The following EBF1 variants were observed in gnomAD, a reference collection of about 807,000 sequenced individuals.
EBF1 encodes the protein EBF transcription factor 1.
A neutral mutation model predicts 68.4 loss-of-function variants in EBF1; 10 were observed. That is an observed-to-expected ratio of 0.15 (90% CI 0.09 to 0.25). EBF1 has a LOEUF of 0.25. EBF1 is among the 10% of genes least tolerant of loss of function. EBF1 has a pLI of 1.00. For synonymous variants in EBF1, 298 were observed against 299.8 expected (o/e 0.99, Z 0.06); for missense variants, 509 against 794.4 (o/e 0.64, Z 4.32).
chr5:159,005,944 T>G (rs1373337475), intron 6 of EBF1, among the ~76,000 whole-genome samples: 1 of 152,206 alleles, frequency 6.6e-6, no homozygotes, highest in Non-Finnish European at 1.5e-5. Flanking sequence ...CCTAATTGAC[T>G]TTTCCTGTGT....
intron 6 of EBF1, among the ~76,000 whole-genome samples, chr5:158,958,827 C>T (rs1817635750): frequency 2.0e-5 from 3 of 152,252 alleles, no homozygotes; most frequent in South Asian, 2.1e-4. Context: ...ACACTTCCCA[C>T]GTTCAATGCC....
chr5:158,992,010 G>A (rs1760424285), intron 6 of EBF1, among the ~76,000 whole-genome samples: 1 of 152,168 alleles, frequency 6.6e-6, no homozygotes, highest in Admixed American at 6.5e-5. Flanking sequence ...TTGAGATGGT[G>A]GTAGGGTTGA....
intron 6 of EBF1, among the ~76,000 whole-genome samples, chr5:158,990,149 T>G (rs2127606120): frequency 6.6e-6 from 1 of 152,096 alleles, no homozygotes; most frequent in East Asian, 1.9e-4. Context: ...AGGGGTTCAG[T>G]CAAAGTGCAG....
At chr5:158,904,948 C>G (rs1292717751) in intron 6 of EBF1, among the ~76,000 whole-genome samples, 1 of 152,182 alleles carries the variant, frequency 6.6e-6, no homozygotes, top group Non-Finnish European at 1.5e-5. Flanking sequence ...GTTGTAACAT[C>G]TTCTAGAGCC....
At chr5:158,957,915 T>C (rs1027767752) in intron 6 of EBF1, among the ~76,000 whole-genome samples, 2 of 152,074 alleles carry the variant, frequency 1.3e-5, no homozygotes, top group African/African-American at 4.8e-5. Context: ...TTTTTTTCAC[T>C]CTCTTTTTGT....
At chr5:158,994,984 C>T (rs943876516) in intron 6 of EBF1, among the ~76,000 whole-genome samples, 30 of 152,336 alleles carry the variant, frequency 2.0e-4, no homozygotes, top group African/African-American at 5.8e-4. Context: ...AAGCACTGAT[C>T]CCTCTGACGA....
At chr5:158,852,320 G>A (rs1040167461) in intron 6 of EBF1, among the ~76,000 whole-genome samples, 1 of 152,028 alleles carries the variant, frequency 6.6e-6, no homozygotes, top group African/African-American at 2.4e-5. Context: ...CACCGCATCT[G>A]TCTGTTCACT....
intron 6 of EBF1, among the ~76,000 whole-genome samples, chr5:159,017,587 T>C: frequency 6.6e-6 from 1 of 152,212 alleles, no homozygotes; most frequent in African/African-American, 2.4e-5. Context: ...ACATCAAAAC[T>C]ATTGGCTTGT....
At chr5:158,966,158 T>C (rs1346509153) in intron 6 of EBF1, among the ~76,000 whole-genome samples, 6 of 152,218 alleles carry the variant, frequency 3.9e-5, no homozygotes, top group African/African-American at 1.2e-4. Context: ...CTGGTATTTG[T>C]GACTCTTGGG....
intron 6 of EBF1, among the ~76,000 whole-genome samples, chr5:159,037,987 T>C (rs985288962): frequency 1.3e-5 from 2 of 152,192 alleles, no homozygotes; most frequent in African/African-American, 2.4e-5. Flanking sequence ...TAGGTTCGTG[T>C]GCAGTGCCAG....
intron 8 of EBF1, among the ~76,000 whole-genome samples, chr5:158,800,244 A>G (rs1389905674): frequency 6.6e-6 from 1 of 152,180 alleles, no homozygotes; most frequent in African/African-American, 2.4e-5. Context: ...ACTAAAGGAC[A>G]GTGTAATTAA....
At chr5:158,860,068 CA>C (rs911951334) in intron 6 of EBF1, among the ~76,000 whole-genome samples, 1 of 152,224 alleles carries the variant, frequency 6.6e-6, no homozygotes, top group African/African-American at 2.4e-5. Flanking sequence ...TTGATGGATA[CA>C]CTTCCACAGT....
At chr5:159,034,784 A>T (rs1243438428) in intron 6 of EBF1, among the ~76,000 whole-genome samples, 3 of 152,000 alleles carry the variant, frequency 2.0e-5, no homozygotes, top group African/African-American at 4.8e-5. Context: ...TCAATGCAAG[A>T]TTTCAATCCA....
chr5:158,730,500 T>C (rs1220692004), intron 11 of EBF1, among the ~76,000 whole-genome samples: 2 of 152,200 alleles, frequency 1.3e-5, no homozygotes, highest in Non-Finnish European at 2.9e-5. Flanking sequence ...GTTTAATTTC[T>C]CTCATATTTG....
intron 11 of EBF1, among the ~76,000 whole-genome samples, chr5:158,727,019 A>AC (rs1763128602): frequency 6.6e-6 from 1 of 152,224 alleles, no homozygotes; most frequent in Non-Finnish European, 1.5e-5. Flanking sequence ...ACCTGACAAC[A>AC]ATGCCGTGAG....
intron 6 of EBF1, among the ~76,000 whole-genome samples, chr5:159,041,693 G>A (rs1038352533): frequency 6.6e-6 from 1 of 152,164 alleles, no homozygotes; most frequent in Non-Finnish European, 1.5e-5. Context: ...TGAACACAGA[G>A]CTTTTACCAG....
chr5:158,946,922 C>T (rs1046870547), intron 6 of EBF1, among the ~76,000 whole-genome samples: 4 of 152,220 alleles, frequency 2.6e-5, no homozygotes, highest in Non-Finnish European at 5.9e-5. Context: ...CTGGCTACAG[C>T]GGCTCTGTGG....
In EBF1 at chr5:158,742,291, C is replaced by T. The variant is rs557902094; in HGVS notation, c.1037-11134G>A. 3.9e-5 allele frequency among the ~76,000 whole-genome samples: 6 copies of T among 152,348 alleles called. No individual in the cohort carries two copies. In the East Asian group the frequency reaches 1.2e-3, roughly 29 times the overall value. ...TCCATTTTCCTAATAACACATTCTTCTTCCCTTTGTCCCAACCGTCCTGGA... is the reference window on the plus strand; with the variant it reads ...TCCATTTTCCTAATAACACATTCTTTTTCCCTTTGTCCCAACCGTCCTGGA... On this transcript the variant is annotated intron_variant, in intron 10 of 15. Transcript: ENST00000313708.
At chr5:158,945,230 T>C (rs564946213) in intron 6 of EBF1, among the ~76,000 whole-genome samples, 10 of 152,346 alleles carry the variant, frequency 6.6e-5, no homozygotes, top group Non-Finnish European at 1.3e-4. Context: ...CTTTAATCCA[T>C]CTTGAGTTAA....
Sources: allele counts gnomAD v4.1 joint callset (sites outside exome capture counted in the v4.1 genomes callset), GRCh38; gene constraint gnomAD v4.1.1; transcripts MANE v1.5; gene names NCBI Gene and HGNC (gene_info 2026-07-23, HGNC 2026-07-21).